Variants in P2RX5 observed in about 807,000 individuals in gnomAD.
P2RX5 encodes purinergic receptor P2X 5.
P2RX5 carries 46 observed loss-of-function variants against 54.1 expected under a neutral mutation model. The ratio of observed to expected loss-of-function variants is 0.85; its 90% confidence interval spans 0.67 to 1.09. P2RX5 has a LOEUF of 1.09. P2RX5 is among the 50% of genes least tolerant of loss of function. The pLI is 0.00. For missense variants in P2RX5, 566 were observed against 549.8 expected (o/e 1.03, Z -0.29); for synonymous variants, 226 against 226.4 (o/e 1.00, Z 0.02).
Position 3,690,697 on chromosome 17 carries a change from G to A in P2RX5, c.361-17C>T, listed in dbSNP as rs770163871. 4 of 1,611,818 alleles carry A rather than the reference G, an allele frequency of 2.5e-6. No individual in the cohort carries two copies. The East Asian group carries it at 6.7e-5, about 27-fold the overall frequency. Reference sequence around the variant, plus strand: ...GCCTTCATTCTGCCAGGAGAGAAGGGGCACCTGGATGGGGGGGTTCCCCCA... The same window carrying A: ...GCCTTCATTCTGCCAGGAGAGAAGGAGCACCTGGATGGGGGGGTTCCCCCA... On this transcript the variant is annotated splice_polypyrimidine_tract_variant and intron_variant, in intron 3 of 11. Coordinates refer to ENST00000225328, the MANE Select transcript of P2RX5 (RefSeq NM_002561.4).
Position 3,690,985 on chromosome 17 carries a change from G to A in P2RX5, c.331C>T (p.Pro111Ser). 4 of 1,613,094 alleles carry A rather than the reference G, an allele frequency of 2.5e-6. No homozygotes were observed. The highest frequency in any genetic ancestry group is 1.1e-5 in the South Asian group (1 of 90,970). The change falls in exon 3 of 12, where the codon CCC becomes TCC. Residue 111 changes from proline (P) to serine (S), a missense_variant. Coordinates refer to ENST00000225328, the MANE Select transcript of P2RX5 (RefSeq NM_002561.4). Reference protein sequence around the residue: ...FFVVTNLIVTPNQRQNVCAEN... With the variant: ...FFVVTNLIVTSNQRQNVCAEN... ...GCACAGACGTTCTGCCGCTGGTTGG[G>A]GGTCACAATCAGGTTGGTGACCACA...
intron 1 of P2RX5, among the ~76,000 whole-genome samples, chr17:3,695,580 T>G (rs993365448): frequency 6.6e-6 from 1 of 152,048 alleles, no homozygotes; most frequent in Non-Finnish European, 1.5e-5. Context: ...GACCCGACTC[T>G]GGGAGAAGCA....
chr17:3,683,505 CG>C (rs1567732638), intron 9 of P2RX5, among the ~76,000 whole-genome samples: 4 of 152,226 alleles, frequency 2.6e-5, no homozygotes, highest in Admixed American at 1.3e-4. Flanking sequence ...CCGAGGTGGG[CG>C]GATCACCTGA....
At chr17:3,706,645 C>T in the P2RX5 span, among the ~76,000 whole-genome samples, 1 of 152,280 alleles carries the variant, frequency 6.6e-6, no homozygotes, top group South Asian at 2.1e-4. Flanking sequence ...AGCGTCAGAG[C>T]CTTCGGGGGT....
Position 3,675,580 on chromosome 17 carries a change from G to A in P2RX5, c.1260-1703C>T, listed in dbSNP as rs894790713. 9.2e-6 allele frequency: 9 copies of A among 978,152 alleles called. No homozygotes were observed. The African/African-American group carries it at 1.6e-4, about 17-fold the overall frequency. 60.6% of individuals were successfully genotyped at this position (978,152 alleles called of 1,614,324 possible). ...TTTCTTTTTTTTTTTTTGAGACTGAGTCTCACTGTCGCCCAGGCCAGAGTG... is the reference window on the plus strand; with the variant it reads ...TTTCTTTTTTTTTTTTTGAGACTGAATCTCACTGTCGCCCAGGCCAGAGTG... On this transcript the variant is annotated intron_variant, in intron 11 of 11. Coordinates refer to ENST00000225328, the MANE Select transcript of P2RX5 (RefSeq NM_002561.4).
Position 3,689,982 on chromosome 17 carries a change from A to C in P2RX5, c.614+88T>G, listed in dbSNP as rs569468473. ...CACGTGCACACACGCGCGCACACAC[A>C]CCCCCAGGCAGAGACCCACGGAGGG... On this transcript the variant is annotated intron_variant, in intron 6 of 11. Coordinates refer to ENST00000225328, the MANE Select transcript of P2RX5 (RefSeq NM_002561.4). 4.9e-4 allele frequency: 570 copies of C among 1,153,882 alleles called. 3 individuals are homozygous for C. The Middle Eastern group carries it at 5.6e-3, about 11-fold the overall frequency. The allele number at this position is 1,153,882 out of a possible 1,614,324, so 71.5% of individuals were successfully genotyped here. A position where few individuals can be genotyped will look rare whatever the true frequency, so the allele number is the denominator to read the frequency against.
At position 3,691,647 on chromosome 17, in the gene P2RX5, G is replaced by A. The variant is rs137893234; in HGVS notation, c.285C>T (p.Ala95=). ...IWDVADYVIP[A]QGENVFFVVT... Reference sequence around the variant, plus strand: ...TGTGCTAGGTGGGGACTCAGACCTGGGCTGGAATGACGTAGTCGGCGACAT... The same window carrying A: ...TGTGCTAGGTGGGGACTCAGACCTGAGCTGGAATGACGTAGTCGGCGACAT... The change falls in exon 2 of 12, where the codon GCC becomes GCT. Residue 95 remains alanine (A), a synonymous_variant. Transcript: ENST00000225328. 974 of 1,614,190 alleles carry A rather than the reference G, an allele frequency of 6.0e-4. 4 individuals carry two copies. The highest frequency in any genetic ancestry group is 5.1e-3 in the Middle Eastern group (31 of 6,062).
chr17:3,675,419 GT>G, intron 11 of P2RX5: 4 of 985,360 alleles, frequency 4.1e-6, no homozygotes, highest in Non-Finnish European at 4.8e-6. Context: ...CCATTTCGAA[GT>G]CTGGTTAAAA....
rs374409298 is a variant in P2RX5 at position 3,690,632 on chromosome 17, C to T, written c.409G>A (p.Ala137Thr). The T allele has an allele frequency of 2.2e-5, 35 of 1,613,412 alleles. No homozygotes were observed. The highest frequency in any genetic ancestry group is 8.9e-5 in the East Asian group (4 of 44,900). ...TTTCCAGCTGTAACCGCTTCCCCAG[C>T]GTGGCAGTCGCTGTCCTTGGAGCAC... is the stretch of plus-strand genomic sequence containing the variant. The part of the protein sequence containing the change: ...GACSKDSDCH[A>T]GEAVTAGNGV... The change falls in exon 4 of 12, where the codon GCT becomes ACT. Residue 137 changes from alanine (A) to threonine (T), a missense_variant. By Grantham distance (58) the Ala-to-Thr change is moderately conservative. Coordinates refer to ENST00000225328, the MANE Select transcript of P2RX5 (RefSeq NM_002561.4).
intron 11 of P2RX5, 106 bp downstream of exon 11, chr17:3,679,484 C>A: frequency 9.9e-7 from 1 of 1,009,520 alleles, no homozygotes; most frequent in South Asian, 1.4e-5. Context: ...CCAGCTCACA[C>A]CAGAGCAGAG....
At chr17:3,702,468 A>G in the P2RX5 span, among the ~76,000 whole-genome samples, 1 of 151,926 alleles carries the variant, frequency 6.6e-6, no homozygotes, top group Admixed American at 6.6e-5. Context: ...AGCAGTGGCA[A>G]CCTGCTGGAG....
chr17:3,692,236 G>A (rs1358860614), intron 1 of P2RX5, among the ~76,000 whole-genome samples: 1 of 152,010 alleles, frequency 6.6e-6, no homozygotes, highest in Non-Finnish European at 1.5e-5. Context: ...AGAATGGCGT[G>A]AACCCGGGAG....
chr17:3,695,833 CT>C, intron 1 of P2RX5, 35 bp downstream of exon 1: 2 of 1,607,946 alleles, frequency 1.2e-6, no homozygotes, highest in Non-Finnish European at 1.7e-6. Flanking sequence ...CGCCCTGCCC[CT>C]CCCCCGCCTT....
chr17:3,706,364 G>A, the P2RX5 span, among the ~76,000 whole-genome samples: 17 of 152,180 alleles, frequency 1.1e-4, 4 homozygotes, highest in East Asian at 3.9e-4. Context: ...CAAAGTGCTG[G>A]GGTTACAGCT....
intron 3 of P2RX5, 121 bp from the exon 4 acceptor site, chr17:3,690,801 C>T: frequency 8.4e-7 from 1 of 1,187,626 alleles, no homozygotes; most frequent in South Asian, 1.3e-5. Flanking sequence ...TGAGAACCTA[C>T]TTCTCCCCCA....
chr17:3,711,714 A>C, the P2RX5 span, among the ~76,000 whole-genome samples: 3 of 150,176 alleles, frequency 2.0e-5, no homozygotes, highest in East Asian at 5.9e-4. Context: ...TATTTTTTTG[A>C]GACAGGGTCT....
At chr17:3,679,885 G>A (rs1567729823) in intron 10 of P2RX5, 101 bp from the exon 11 acceptor site, 22 of 1,005,712 alleles carry the variant, frequency 2.2e-5, no homozygotes, top group Admixed American at 9.7e-5. Context: ...CCTGCAGGCC[G>A]CCACCCTGCT....
chr17:3,678,040 G>T (rs1052629473), intron 11 of P2RX5: 1 of 985,328 alleles, frequency 1.0e-6, no homozygotes, highest in South Asian at 4.7e-5. Flanking sequence ...TGGCCCCAAA[G>T]TTTTCAGCGA....
intron 10 of P2RX5, among the ~76,000 whole-genome samples, chr17:3,680,354 A>G (rs1438849167): frequency 1.8e-3 from 32 of 17,592 alleles, no homozygotes; most frequent in East Asian, 0.01. Flanking sequence ...TCCTCCACCC[A>G]GTGTCCTCCA....
Sources: allele counts gnomAD v4.1 joint callset (sites outside exome capture counted in the v4.1 genomes callset), GRCh38; gene constraint gnomAD v4.1.1; transcripts MANE v1.5; gene names NCBI Gene and HGNC (gene_info 2026-07-23, HGNC 2026-07-21).